Variants in SORBS2 observed in about 807,000 individuals in gnomAD.
SORBS2 encodes sorbin and SH3 domain containing 2, also known as sorbin and SH3 domain-containing protein 2.
In SORBS2, 46 loss-of-function variants were observed where a neutral mutation model predicts 97.7. That is an observed-to-expected ratio of 0.47 (90% CI 0.37 to 0.60). The LOEUF is 0.60. SORBS2 is among the 20% of genes least tolerant of loss of function. The pLI, the probability that SORBS2 is intolerant of heterozygous loss-of-function variation, is 0.00. For synonymous variants in SORBS2, 476 were observed against 473.4 expected (o/e 1.01, Z -0.07); for missense variants, 1,316 against 1,282.3 (o/e 1.03, Z -0.40).
intron 1 of SORBS2, among the ~76,000 whole-genome samples, chr4:185,838,887 G>A (rs566728162): frequency 2.3e-4 from 35 of 152,068 alleles, no homozygotes; most frequent in Non-Finnish European, 4.6e-4. Flanking sequence ...AAGGTATCAC[G>A]TATGCTCACA....
At chr4:185,750,974 A>C (rs1316152606) in intron 2 of SORBS2, among the ~76,000 whole-genome samples, 1 of 151,902 alleles carries the variant, frequency 6.6e-6, no homozygotes, top group African/African-American at 2.4e-5. Flanking sequence ...TATATAAGGC[A>C]CTTTAGCGAT....
intron 1 of SORBS2, among the ~76,000 whole-genome samples, chr4:185,846,899 G>A (rs1007455094): frequency 2.0e-5 from 3 of 152,126 alleles, no homozygotes; most frequent in Admixed American, 6.5e-5. Flanking sequence ...TTTAAATTTA[G>A]AGAAAAATCC....
At chr4:185,949,707 G>A (rs1180469795) in intron 1 of SORBS2, among the ~76,000 whole-genome samples, 4 of 152,116 alleles carry the variant, frequency 2.6e-5, no homozygotes, top group East Asian at 1.9e-4. Context: ...CCATTAAAAC[G>A]TAAAGCAGTT....
rs1471611423 is a variant in SORBS2, at chr4:185,926,468, C to T, written c.-338+29728G>A. ...ATGATCATCTCGGAGGTGATGGAAA[C>T]ACTCATATATAAATGATGGGAGGAC... On this transcript the variant is annotated intron_variant, in intron 1 of 20. Coordinates refer to the SORBS2 transcript ENST00000284776. Among the ~76,000 whole-genome samples, 4 of 151,182 alleles carry T rather than the reference C, an allele frequency of 2.6e-5. No individual in the cohort carries two copies. The South Asian group carries it at 6.3e-4, about 24-fold the overall frequency.
chr4:185,690,508 AC>A, intron 2 of SORBS2, 53 bp downstream of exon 4: 1 of 1,250,012 alleles, frequency 8.0e-7, no homozygotes, highest in South Asian at 1.5e-5. Context: ...TTTAGGGCCA[AC>A]ATGATTTTTA....
chr4:185,872,505 A>T (rs2099230958), intron 1 of SORBS2, among the ~76,000 whole-genome samples: 1 of 152,202 alleles, frequency 6.6e-6, no homozygotes. Context: ...ATGACCAGTG[A>T]TGATGACAAC....
At chr4:185,778,712 C>T (rs1436858604) in intron 1 of SORBS2, among the ~76,000 whole-genome samples, 2 of 152,118 alleles carry the variant, frequency 1.3e-5, no homozygotes, top group East Asian at 3.9e-4. Flanking sequence ...CACTGAGTCC[C>T]ATCAGACTGG....
chr4:185,642,471 T>C (rs2097142435), intron 4 of SORBS2, among the ~76,000 whole-genome samples: 1 of 152,172 alleles, frequency 6.6e-6, no homozygotes, highest in South Asian at 2.1e-4. Context: ...ATAAAGGTTT[T>C]AGTAATATAA....
chr4:185,870,316 T>C (rs1381627796), intron 1 of SORBS2, among the ~76,000 whole-genome samples: 3 of 152,214 alleles, frequency 2.0e-5, no homozygotes, highest in Non-Finnish European at 2.9e-5. Flanking sequence ...CAGTCTGACA[T>C]AACACAGCCT....
rs374734305 is a variant in SORBS2, at chr4:185,620,044, A to G, written c.2304+19T>C. The stretch of plus-strand genomic sequence containing the variant: ...AAGTGTGTTGCTGTGAAAGACTCCA[A>G]TGCTATTAAATTAACTACCTCTTTT... On this transcript the variant is annotated intron_variant, in intron 8 of 14. Transcript: ENST00000418609. The G allele has an allele frequency of 5.7e-5, 84 of 1,462,426 alleles. No individual in the cohort carries two copies. Among genetic ancestry groups the G allele is most frequent in the East Asian group, 1.1e-4 (5 of 44,202 alleles). 90.6% of individuals were successfully genotyped at this position (1,462,426 alleles called of 1,614,324 possible).
chr4:185,710,136 T>TATTTC (rs1385709069), intron 2 of SORBS2, among the ~76,000 whole-genome samples: 1 of 99,042 alleles, frequency 1.0e-5, no homozygotes, highest in African/African-American at 3.2e-5. Flanking sequence ...TCCCCAGTAA[T>TATTTC]ATTTCAGCTT....
chr4:185,593,896 C>T (rs141463006), exon 13 of SORBS2: 32 of 1,603,436 alleles, frequency 2.0e-5, no homozygotes, highest in African/African-American at 1.2e-4. Context: ...GGTTCCCCCC[C>T]ACCTTGAATA....
intron 1 of SORBS2, among the ~76,000 whole-genome samples, chr4:185,936,439 T>A (rs981963993): frequency 6.6e-6 from 1 of 152,180 alleles, no homozygotes; most frequent in East Asian, 1.9e-4. Flanking sequence ...CACAAAGTTA[T>A]AAAGTACGTA....
chr4:185,665,763 G>A (rs2097585865), intron 4 of SORBS2: 12 of 1,048,680 alleles, frequency 1.1e-5, no homozygotes, highest in Admixed American at 4.7e-5. Context: ...TTAAGGTGGT[G>A]CCATCTGTCA....
intron 2 of SORBS2, among the ~76,000 whole-genome samples, chr4:185,707,402 T>G (rs1162428867): frequency 6.6e-6 from 1 of 152,206 alleles, no homozygotes; most frequent in Non-Finnish European, 1.5e-5. Context: ...AATTTGAGTG[T>G]GAGTCTGTCA....
intron 2 of SORBS2, among the ~76,000 whole-genome samples, chr4:185,687,357 G>A (rs2097986630): frequency 6.6e-6 from 1 of 152,182 alleles, no homozygotes; most frequent in Non-Finnish European, 1.5e-5. Context: ...ATCAGTAAAT[G>A]AGAGTGGTCA....
chr4:185,909,960 G>A (rs1245347977), intron 1 of SORBS2, among the ~76,000 whole-genome samples: 9 of 147,326 alleles, frequency 6.1e-5, no homozygotes, highest in Non-Finnish European at 8.9e-5. Flanking sequence ...CTCCAGCTTG[G>A]GTGACAGAGC....
At chr4:185,757,555 T>C (rs1417205849) in intron 2 of SORBS2, among the ~76,000 whole-genome samples, 1 of 152,214 alleles carries the variant, frequency 6.6e-6, no homozygotes, top group African/African-American at 2.4e-5. Context: ...AAAATAGCAT[T>C]TATCATTAAG....
At chr4:185,681,366 C>A (rs1236534343) in intron 2 of SORBS2, among the ~76,000 whole-genome samples, 1 of 149,164 alleles carries the variant, frequency 6.7e-6, no homozygotes, top group Non-Finnish European at 1.5e-5. Context: ...TAGAAAGTAT[C>A]ATGGATCCAC....
Sources: gnomAD v4.1 joint callset for allele counts (sites outside exome capture counted in the v4.1 genomes callset) on GRCh38, gnomAD v4.1.1 for gene constraint, MANE v1.5 for transcripts, NCBI Gene and HGNC (gene_info 2026-07-23, HGNC 2026-07-21) for gene names.